Variants in AGBL4 observed in about 807,000 individuals in gnomAD.
The protein encoded by AGBL4 is cytosolic carboxypeptidase 6.
AGBL4 carries 58 observed loss-of-function variants against 66.4 expected under a neutral mutation model. The ratio of observed to expected loss-of-function variants is 0.87; its 90% CI spans 0.71 to 1.09. The LOEUF is 1.09. Ranked by LOEUF, AGBL4 falls within the 50% of genes least tolerant of loss-of-function variation. The probability of loss-of-function intolerance (pLI) is 0.00; values close to 1 mark genes in which losing one functional copy is unlikely to be tolerated. For synonymous variants in AGBL4, 234 were observed against 222.9 expected (o/e 1.05, Z -0.44); for missense variants, 579 against 631.0 (o/e 0.92, Z 0.88).
At chr1:48,787,897 AC>A (rs1645447229) in intron 6 of AGBL4, among the ~76,000 whole-genome samples, 1 of 152,180 alleles carries the variant, frequency 6.6e-6, no homozygotes, top group South Asian at 2.1e-4. Context: ...CCTACCTCCC[AC>A]CCTGCTAACA....
At chr1:48,864,326 A>G (rs981484426) in intron 6 of AGBL4, among the ~76,000 whole-genome samples, 3 of 152,180 alleles carry the variant, frequency 2.0e-5, no homozygotes, top group African/African-American at 7.2e-5. Context: ...AAACTCTTAC[A>G]TTCTGCTATT....
intron 4 of AGBL4, among the ~76,000 whole-genome samples, chr1:49,182,804 T>C (rs1646952610): frequency 6.6e-6 from 1 of 152,182 alleles, no homozygotes; most frequent in African/African-American, 2.4e-5. Flanking sequence ...TATAATTTTA[T>C]TTAGTTCTCC....
At chr1:49,915,518 G>A (rs1310889829) in intron 1 of AGBL4, among the ~76,000 whole-genome samples, 1 of 152,158 alleles carries the variant, frequency 6.6e-6, no homozygotes, top group Non-Finnish European at 1.5e-5. Context: ...AAACTGCAAG[G>A]GGGCAGTGAG....
intron 3 of AGBL4, among the ~76,000 whole-genome samples, chr1:49,635,801 A>C (rs1171246286): frequency 6.6e-6 from 1 of 152,232 alleles, no homozygotes; most frequent in Non-Finnish European, 1.5e-5. Context: ...AATTGGTACA[A>C]CTACTTAGAA....
intron 6 of AGBL4, among the ~76,000 whole-genome samples, chr1:48,842,410 T>C (rs896360862): frequency 1.3e-5 from 2 of 152,168 alleles, no homozygotes; most frequent in Non-Finnish European, 2.9e-5. Flanking sequence ...ATCAGGACTT[T>C]CCATTCGAGT....
At chr1:49,536,816 C>T (rs1651622969) in intron 3 of AGBL4, among the ~76,000 whole-genome samples, 1 of 152,098 alleles carries the variant, frequency 6.6e-6, no homozygotes, top group African/African-American at 2.4e-5. Context: ...CAAAATCAGC[C>T]TGGCCAACAT....
At chr1:49,053,347 G>T (rs1404808912) in intron 4 of AGBL4, among the ~76,000 whole-genome samples, 2 of 152,158 alleles carry the variant, frequency 1.3e-5, no homozygotes, top group Non-Finnish European at 2.9e-5. Context: ...GGAATGTGCT[G>T]TCTGATAAAA....
intron 6 of AGBL4, among the ~76,000 whole-genome samples, chr1:48,748,628 T>C (rs1206505951): frequency 1.3e-5 from 2 of 152,086 alleles, no homozygotes; most frequent in East Asian, 1.9e-4. Flanking sequence ...GGTGGGGTAG[T>C]TCTCATAAGG....
At chr1:49,123,526 C>G (rs569114161) in intron 4 of AGBL4, among the ~76,000 whole-genome samples, 10 of 152,274 alleles carry the variant, frequency 6.6e-5, no homozygotes, top group Admixed American at 1.3e-4. Flanking sequence ...ACAGTTTGCT[C>G]TCTCATAGGA....
intron 1 of AGBL4, among the ~76,000 whole-genome samples, chr1:50,002,968 A>C (rs2148422794): frequency 6.6e-6 from 1 of 152,350 alleles, no homozygotes; most frequent in African/African-American, 2.4e-5. Flanking sequence ...AGTTAATCAA[A>C]GTTAAAACAA....
rs540482975 is a variant in AGBL4 at position 49,122,328 on chromosome 1, A to G, written c.378-76528T>C. 2.3e-3 allele frequency among the ~76,000 whole-genome samples: 351 copies of G among 152,260 alleles called. 4 individuals are homozygous for G. The highest frequency in any genetic ancestry group is 8.1e-3 in the African/African-American group (337 of 41,544). ...GGAGCTGCAGACCGGAGCTGTTCCT[A>G]TTTGTCCATCTTGGAACAGACCCCA... On this transcript the variant is annotated intron_variant, in intron 4 of 13. Coordinates refer to ENST00000371839, the MANE Select transcript of AGBL4 (RefSeq NM_032785.4).
At chr1:49,582,786 T>C (rs935077450) in intron 3 of AGBL4, among the ~76,000 whole-genome samples, 4 of 152,230 alleles carry the variant, frequency 2.6e-5, no homozygotes, top group African/African-American at 9.6e-5. Flanking sequence ...TCCCCAAGTC[T>C]GATTCATCTC....
intron 2 of AGBL4, among the ~76,000 whole-genome samples, chr1:49,815,629 C>T (rs1259389571): frequency 1.3e-5 from 2 of 152,124 alleles, no homozygotes; most frequent in Non-Finnish European, 2.9e-5. Flanking sequence ...ACATTCTCAT[C>T]AACAGTATAT....
At chr1:49,017,270 A>C (rs1034224515) in intron 5 of AGBL4, among the ~76,000 whole-genome samples, 1 of 152,174 alleles carries the variant, frequency 6.6e-6, no homozygotes, top group African/African-American at 2.4e-5. Context: ...AAAACCTTGA[A>C]ACCGAAGTCA....
chr1:49,856,345 T>C (rs963493381), intron 1 of AGBL4, among the ~76,000 whole-genome samples: 2 of 151,980 alleles, frequency 1.3e-5, no homozygotes, highest in African/African-American at 4.8e-5. Context: ...CTCAAACTAT[T>C]CCAAAAAGTG....
chr1:48,967,467 G>C (rs1658540477), intron 5 of AGBL4, among the ~76,000 whole-genome samples: 1 of 152,110 alleles, frequency 6.6e-6, no homozygotes, highest in African/African-American at 2.4e-5. Context: ...TTCAAGACAA[G>C]GGACATCTAA....
At chr1:49,520,832 C>T (rs1456889410) in intron 3 of AGBL4, among the ~76,000 whole-genome samples, 5 of 144,974 alleles carry the variant, frequency 3.4e-5, no homozygotes, top group Admixed American at 1.4e-4. Flanking sequence ...TTTTTGGAGA[C>T]GGAGTCTTGC....
intron 4 of AGBL4, among the ~76,000 whole-genome samples, chr1:49,148,030 T>C (rs780816737): frequency 6.6e-6 from 1 of 152,180 alleles, no homozygotes; most frequent in Non-Finnish European, 1.5e-5. Flanking sequence ...CAAAATCACA[T>C]GGGCTTGGCT....
intron 9 of AGBL4, among the ~76,000 whole-genome samples, chr1:48,603,405 G>T (rs753202619): frequency 6.6e-6 from 1 of 152,200 alleles, no homozygotes; most frequent in Non-Finnish European, 1.5e-5. Flanking sequence ...GGGAGTCAAA[G>T]AATGCAGTGA....
Sources: gnomAD v4.1 joint callset for allele counts (sites outside exome capture counted in the v4.1 genomes callset) on GRCh38, gnomAD v4.1.1 for gene constraint, MANE v1.5 for transcripts, NCBI Gene and HGNC (gene_info 2026-07-23, HGNC 2026-07-21) for gene names.